Variants in KALRN observed in about 807,000 individuals in gnomAD.
The protein encoded by KALRN is kalirin RhoGEF kinase, also known as kalirin.
A neutral mutation model predicts 353.7 loss-of-function variants in KALRN; 70 were observed. That is an observed-to-expected ratio of 0.20 (90% CI 0.16 to 0.24). KALRN has a LOEUF of 0.24. KALRN is among the 10% of genes least tolerant of loss of function. The probability of loss-of-function intolerance (pLI) is 1.00; values close to 1 mark genes in which losing one functional copy is unlikely to be tolerated. For synonymous variants in KALRN, 1,391 were observed against 1,434.8 expected (o/e 0.97, Z 0.69); for missense variants, 2,791 against 3,756.7 (o/e 0.74, Z 6.72).
chr3:124,596,182 AAAG>A (rs1379676328), intron 34 of KALRN, among the ~76,000 whole-genome samples: 1,511 of 121,722 alleles, frequency 0.012, 30 homozygotes, highest in African/African-American at 0.045. Context: ...GCTCCATCTT[AAAG>A]AAAAAAAAAA....
intron 6 of KALRN, among the ~76,000 whole-genome samples, chr3:124,324,966 G>T (rs1322340724): frequency 6.6e-6 from 1 of 152,168 alleles, no homozygotes; most frequent in Non-Finnish European, 1.5e-5. Flanking sequence ...ATTCGGAAAA[G>T]CTCCCTGTGG....
At chr3:124,427,565 AT>A (rs2093078789) in intron 15 of KALRN, among the ~76,000 whole-genome samples, 1 of 152,212 alleles carries the variant, frequency 6.6e-6, no homozygotes, top group African/African-American at 2.4e-5. Flanking sequence ...ATTTGTGGAT[AT>A]CCACATCCAC....
intron 10 of KALRN, among the ~76,000 whole-genome samples, chr3:124,383,205 C>G (rs1288532488): frequency 1.3e-5 from 2 of 152,204 alleles, no homozygotes; most frequent in African/African-American, 4.8e-5. Context: ...GAAGCCAAGA[C>G]AAGTGTTTGC....
rs1469670718 is a variant in KALRN, at chr3:124,666,520, G to T, written c.6417G>T (p.Met2139Ile). Residue 2139 changes from methionine to isoleucine, a missense_variant, in exon 46 of 60, where the codon ATG becomes ATT. By Grantham distance (10) the Met-to-Ile change is conservative. This residue lies in a region of KALRN where 1,065 missense variants were observed against 1,156.4 expected (regional missense o/e 0.92). Coordinates refer to ENST00000682506, the MANE Select transcript of KALRN (RefSeq NM_001388419.1). Reference sequence around the variant, plus strand: ...ATGTGATCGAGCTGGATGCAGGCATGCAGTCCCGGACCAAAGAGAGGCGCG... The same window carrying T: ...ATGTGATCGAGCTGGATGCAGGCATTCAGTCCCGGACCAAAGAGAGGCGCG... Reference protein sequence around the residue: ...TFYVIELDAGMQSRTKERRVF... With the variant: ...TFYVIELDAGIQSRTKERRVF... The T allele has an allele frequency of 6.2e-7, 1 of 1,614,028 alleles. No homozygotes were observed.
intron 2 of KALRN, among the ~76,000 whole-genome samples, chr3:124,232,169 T>TTAGC (rs1409749645): frequency 1.3e-5 from 2 of 152,214 alleles, no homozygotes; most frequent in Admixed American, 1.3e-4. Flanking sequence ...ATATGGTGCA[T>TTAGC]TAGCTCCACT....
chr3:124,677,397 T>G, intron 49 of KALRN: 1 of 332,016 alleles, frequency 3.0e-6, no homozygotes, highest in South Asian at 2.4e-5. Flanking sequence ...GTGAAGAAGT[T>G]GCTCCCAAGA....
chr3:124,601,924 G>T (rs906419839), intron 34 of KALRN, among the ~76,000 whole-genome samples: 9 of 151,826 alleles, frequency 5.9e-5, no homozygotes, highest in African/African-American at 1.7e-4. Context: ...TACTCAGTAG[G>T]CTGAGGGGGG....
chr3:124,619,058 TC>T (rs1275951062), intron 34 of KALRN, among the ~76,000 whole-genome samples: 2 of 152,158 alleles, frequency 1.3e-5, no homozygotes, highest in Non-Finnish European at 2.9e-5. Flanking sequence ...GGCCAACATC[TC>T]CCTGTTTCTT....
At chr3:124,557,234 T>C (rs1460184232) in intron 33 of KALRN, among the ~76,000 whole-genome samples, 1 of 152,172 alleles carries the variant, frequency 6.6e-6, no homozygotes, top group Non-Finnish European at 1.5e-5. Flanking sequence ...CACTTCCCAC[T>C]GGGTAGATTT....
chr3:124,296,280 C>A (rs1393693394), intron 5 of KALRN, among the ~76,000 whole-genome samples: 1 of 152,200 alleles, frequency 6.6e-6, no homozygotes, highest in African/African-American at 2.4e-5. Context: ...ATTTCCCACC[C>A]AAGCTTCTTA....
chr3:124,650,226 GAA>G lies in KALRN; in HGVS notation c.5665-579_5665-578del, dbSNP rs1464181285. 2.0e-5 allele frequency among the ~76,000 whole-genome samples: 3 copies of G among 152,254 alleles called. No individual in the cohort carries two copies. The East Asian group carries it at 5.8e-4, about 29-fold the overall frequency. On this transcript the variant is annotated intron_variant, in intron 37 of 59. Coordinates refer to ENST00000682506, the MANE Select transcript of KALRN (RefSeq NM_001388419.1). ...AACAGTTCCATCCATGGGGACAGGG[GAA>G]AACCCCATCATCATAGGACATTTTT...
chr3:124,246,564 T>A (rs1036484503), intron 3 of KALRN, among the ~76,000 whole-genome samples: 1 of 152,214 alleles, frequency 6.6e-6, no homozygotes, highest in Non-Finnish European at 1.5e-5. Context: ...GTGGTTAACC[T>A]CTTTTGTGTT....
chr3:124,220,164 C>G (rs948689492), intron 1 of KALRN, among the ~76,000 whole-genome samples: 3 of 152,070 alleles, frequency 2.0e-5, no homozygotes, highest in Non-Finnish European at 2.9e-5. Context: ...AGGCTGGTCT[C>G]GAACACCTGA....
chr3:124,202,291 C>T (rs527494467), intron 1 of KALRN, among the ~76,000 whole-genome samples: 1 of 152,134 alleles, frequency 6.6e-6, no homozygotes, highest in Non-Finnish European at 1.5e-5. Context: ...CACTGTGTCA[C>T]CAAGGCTGGA....
intron 36 of KALRN, 91 bp from the exon 37 acceptor site, chr3:124,637,117 G>C: frequency 9.2e-7 from 1 of 1,082,162 alleles, no homozygotes; most frequent in Non-Finnish European, 1.4e-6. Flanking sequence ...CCCTTCCCTG[G>C]CTTGAGCTTT....
chr3:124,600,290 C>T (rs1421304204), intron 34 of KALRN, among the ~76,000 whole-genome samples: 5 of 152,230 alleles, frequency 3.3e-5, no homozygotes, highest in Non-Finnish European at 7.3e-5. Flanking sequence ...TTTGTCATTA[C>T]CATGGCTTCT....
intron 1 of KALRN, among the ~76,000 whole-genome samples, chr3:124,076,802 C>T (rs532616385): frequency 5.9e-5 from 9 of 152,316 alleles, no homozygotes; most frequent in African/African-American, 1.9e-4. Context: ...CACTCAGCCC[C>T]AGCTGATTGA....
chr3:124,375,984 T>C (rs960125452), intron 10 of KALRN, among the ~76,000 whole-genome samples: 2 of 152,128 alleles, frequency 1.3e-5, no homozygotes, highest in African/African-American at 4.8e-5. Context: ...AATAAAACTT[T>C]ACTTTAAAAA....
intron 1 of KALRN, among the ~76,000 whole-genome samples, chr3:124,080,572 T>G (rs1441859854): frequency 6.6e-6 from 1 of 152,246 alleles, no homozygotes; most frequent in African/African-American, 2.4e-5. Context: ...TTCTGCATAG[T>G]GTATTTCACA....
Sources: gnomAD v4.1 joint callset for allele counts (sites outside exome capture counted in the v4.1 genomes callset) on GRCh38, gnomAD v4.1.1 for gene constraint, gnomAD v4.1.1 regional missense constraint, MANE v1.5 for transcripts, NCBI Gene and HGNC (gene_info 2026-07-23, HGNC 2026-07-21) for gene names.